Variants in TLN1 observed in about 807,000 individuals in gnomAD.
The protein encoded by TLN1 is talin-1.
A neutral mutation model predicts 292.3 loss-of-function variants in TLN1; 56 were observed. The ratio of observed to expected loss-of-function variants is 0.19; its 90% CI spans 0.15 to 0.24. The LOEUF (loss-of-function observed/expected upper bound fraction) is 0.24. Ranked by LOEUF, TLN1 falls within the 10% of genes least tolerant of loss-of-function variation. TLN1 has a pLI of 1.00. For missense variants in TLN1, 2,433 were observed against 3,248.2 expected, an observed-to-expected ratio of 0.75 and a Z score of 6.10; for synonymous variants, 1,119 against 1,253.7, an observed-to-expected ratio of 0.89 and a Z score of 2.27.
intron 17 of TLN1, among the ~76,000 whole-genome samples, chr9:35,718,260 T>G (rs1004551576): frequency 3.9e-5 from 6 of 152,212 alleles, no homozygotes; most frequent in Non-Finnish European, 8.8e-5. Context: ...TCCCACCAAG[T>G]TCTGGTCCCC....
At position 35,710,695 on chromosome 9, in the gene TLN1, A is replaced by G; in HGVS notation, c.4204-12T>C. ...GCCTCGCCCAGCACCTGAGGAACAG[A>G]GGACATCAGGGGAGTCAGAGCATGT... On this transcript the variant is annotated splice_polypyrimidine_tract_variant and intron_variant, in intron 32 of 56. Coordinates refer to ENST00000314888, the MANE Select transcript of TLN1 (RefSeq NM_006289.4). 6.2e-7 allele frequency: 1 copy of G among 1,614,118 alleles called. No homozygotes were observed. The highest frequency in any genetic ancestry group is 8.5e-7 in the Non-Finnish European group (1 of 1,179,964).
intron 7 of TLN1, 184 bp downstream of exon 7, chr9:35,723,768 A>G: frequency 9.7e-6 from 8 of 826,120 alleles, no homozygotes; most frequent in Non-Finnish European, 1.5e-5. Context: ...AACTACATTC[A>G]TATTCCAGAG....
intron 7 of TLN1, 114 bp downstream of exon 7, chr9:35,723,838 G>A (rs780319018): frequency 3.1e-5 from 47 of 1,518,640 alleles, no homozygotes; most frequent in Non-Finnish European, 4.1e-5. Context: ...TCAAACCCTG[G>A]TACCTCGGAA....
chr9:35,710,557 T>C lies in TLN1; in HGVS notation c.4326+4A>G. ...ATTCAAAGAACCCATCTCAGGAAAA[T>C]AACCTGTGCAGCTGCCTCGGTGAAG... On this transcript the variant is annotated splice_donor_region_variant and intron_variant, in intron 33 of 56. Transcript: ENST00000314888. 6.2e-7 allele frequency: 1 copy of C among 1,611,408 alleles called. No homozygotes were observed. Among genetic ancestry groups the C allele is most frequent in the South Asian group, 1.1e-5 (1 of 90,998 alleles).
chr9:35,722,458 T>C (rs1300829306), intron 8 of TLN1, among the ~76,000 whole-genome samples: 2 of 151,494 alleles, frequency 1.3e-5, no homozygotes, highest in Non-Finnish European at 2.9e-5. Context: ...GAACAGAGAG[T>C]TTGGAAGTAG....
rs1372050591 is a variant in TLN1, at chr9:35,713,954, G to A, written c.3248C>T (p.Thr1083Ile). Reference protein sequence around the residue: ...DGKLKPLPGETMEKCTQDLGN... With the variant: ...DGKLKPLPGEIMEKCTQDLGN... ...GAATGAGGTCTTAAACATACTTACTGTCTCCCCAGGTAAGGGTTTAAGCTT... is the reference window on the plus strand; with the variant it reads ...GAATGAGGTCTTAAACATACTTACTATCTCCCCAGGTAAGGGTTTAAGCTT... The change falls in exon 25 of 57, where the codon ACA (threonine) becomes ATA (isoleucine). Residue 1083 changes from threonine (T) to isoleucine (I), a missense_variant and splice_region_variant. Thr to Ile is a moderately conservative substitution (Grantham distance 89). Transcript: ENST00000314888. 6.2e-7 allele frequency: 1 copy of A among 1,614,150 alleles called. No homozygotes were observed. Among genetic ancestry groups the A allele is most frequent in the Admixed American group, 1.7e-5 (1 of 60,028 alleles).
At position 35,699,695 on chromosome 9, in the gene TLN1, T is replaced by C; in HGVS notation, c.6769-234A>G. 2.0e-6 allele frequency: 2 copies of C among 984,408 alleles called. No individual in the cohort carries two copies. Among genetic ancestry groups the C allele is most frequent in the Non-Finnish European group, 2.4e-6 (2 of 829,770 alleles). 61.0% of individuals were successfully genotyped at this position (984,408 alleles called of 1,614,324 possible). ...ACAAGGAGCAAGGAGAATGATGAGA[T>C]GAAAGAGGAGACGACGAAAGTAGAG... On this transcript the variant is annotated intron_variant, in intron 50 of 56. Transcript: ENST00000314888. This position sits in a 1 kb window ranked among gnomAD's most constrained non-coding sequence, Gnocchi z 4.0.
Position 35,706,901 on chromosome 9 carries a change from C to T in TLN1, c.4956-1G>A. 6.2e-7 allele frequency: 1 copy of T among 1,613,836 alleles called. No individual in the cohort carries two copies. The highest frequency in any genetic ancestry group is 8.5e-7 in the Non-Finnish European group (1 of 1,179,948). ...CTCCAGCTGCCCTGGAGCCTTGTCC[C>T]TGCAGACACATCATGGGCTCCAACA... On this transcript the variant is annotated splice_acceptor_variant, in intron 37 of 56. Transcript: ENST00000314888. LOFTEE classifies it high-confidence loss of function. The surrounding 1 kb of genome is among the most constrained non-coding windows in gnomAD (Gnocchi z 4.2).
Position 35,714,371 on chromosome 9 carries a change from T to C in TLN1, c.2988A>G (p.Pro996=), listed in dbSNP as rs778599612. 1.6e-5 allele frequency: 26 copies of C among 1,609,438 alleles called. No individual in the cohort carries two copies. Among genetic ancestry groups the C allele is most frequent in the South Asian group, 8.8e-5 (8 of 90,802 alleles). The change falls in exon 24 of 57, where the codon CCA becomes CCG. Residue 996 remains proline (P), a splice_region_variant and synonymous_variant. Transcript: ENST00000314888. This position sits in a 1 kb window ranked among gnomAD's most constrained non-coding sequence, Gnocchi z 4.6. ...LIAASQSFLQ[P]GGKMVAAAKA... is the part of the protein sequence containing the mutation. ...TTGCAGCTGCCACCATCTTCCCACC[T>C]GGCTGTTGGGGAATAGGCAGGTGGA...
chr9:35,706,770 C>T lies in TLN1; in HGVS notation c.5086G>A (p.Glu1696Lys), dbSNP rs1825572383. Residue 1696 changes from glutamate (E) to lysine (K), a missense_variant and splice_region_variant, in exon 38 of 57, where the codon GAG becomes AAG. Around this residue, in one of 7 missense-constraint regions of TLN1, gnomAD observed 1,384 missense variants for 1,699.6 expected, o/e 0.81. Transcript: ENST00000314888. The surrounding 1 kb of genome is among the most constrained non-coding windows in gnomAD (Gnocchi z 4.2). ...CCATATAACCCTCTCCCTCTCACCTCTTGAGAGATTCCCTCACGGGGAGCA... is the reference window on the plus strand; with the variant it reads ...CCATATAACCCTCTCCCTCTCACCTTTTGAGAGATTCCCTCACGGGGAGCA... ...QLAPREGISQ[E>K]ALHTQMLTAV... 1 of 1,613,850 alleles carries T rather than the reference C, an allele frequency of 6.2e-7. No homozygotes were observed. Among genetic ancestry groups the T allele is most frequent in the South Asian group, 1.1e-5 (1 of 91,076 alleles).
Position 35,717,979 on chromosome 9 carries a change from A to G in TLN1, c.1996-193T>C, listed in dbSNP as rs1157885362. 6.6e-6 allele frequency among the ~76,000 whole-genome samples: 1 copy of G among 152,142 alleles called. No homozygotes were observed. The highest frequency in any genetic ancestry group is 1.5e-5 in the Non-Finnish European group (1 of 68,012). On this transcript the variant is annotated intron_variant, in intron 17 of 56. Coordinates refer to ENST00000314888, the MANE Select transcript of TLN1 (RefSeq NM_006289.4). This position sits in a 1 kb window ranked among gnomAD's most constrained non-coding sequence, Gnocchi z 4.7. ...AGAACCCCCACCGAGGAACAAACCC[A>G]CACCAAGAGAAAATACAGCCTACAC...
Position 35,707,537 on chromosome 9 carries a change from G to A in TLN1, c.4633-49C>T, listed in dbSNP as rs749968329. ...AGGACTTGGGATGCAGTCATAGGGG[G>A]TATAGGAAGTGAAGTCCAGGTCTCC... is the stretch of plus-strand genomic sequence containing the variant. On this transcript the variant is annotated intron_variant, in intron 35 of 56. Coordinates refer to ENST00000314888, the MANE Select transcript of TLN1 (RefSeq NM_006289.4). This position sits in a 1 kb window ranked among gnomAD's most constrained non-coding sequence, Gnocchi z 5.6. The A allele has an allele frequency of 1.2e-6, 2 of 1,602,346 alleles. No homozygotes were observed. Among genetic ancestry groups the A allele is most frequent in the Non-Finnish European group, 1.7e-6 (2 of 1,172,148 alleles).
rs1181440375 is a variant in TLN1, at chr9:35,715,105, G to A, written c.2708C>T (p.Ala903Val). 1.2e-6 allele frequency: 2 copies of A among 1,613,268 alleles called. No homozygotes were observed. The highest frequency in any genetic ancestry group is 1.7e-6 in the Non-Finnish European group (2 of 1,180,038). Residue 903 changes from alanine to valine, a missense_variant, in exon 21 of 57, where the codon GCA (alanine) becomes GTA (valine). This residue lies in a region of TLN1 where 617 missense variants were observed against 770.6 expected (regional missense o/e 0.80). Coordinates refer to ENST00000314888, the MANE Select transcript of TLN1 (RefSeq NM_006289.4). ...AAEGLRMATN[A>V]AAQNAIKKKL... ...TTTCTTGATGGCATTCTGCGCAGCT[G>A]CATTGGTGGCCATGCGCAGCCCCTC...
Position 35,706,628 on chromosome 9 carries a change from C to A in TLN1, c.5089-77G>T. 6.3e-7 allele frequency: 1 copy of A among 1,592,738 alleles called. No homozygotes were observed. The highest frequency in any genetic ancestry group is 1.1e-5 in the South Asian group (1 of 89,872). On this transcript the variant is annotated intron_variant, in intron 38 of 56. Transcript: ENST00000314888. The surrounding 1 kb of genome is among the most constrained non-coding windows in gnomAD (Gnocchi z 4.2). Reference sequence around the variant, plus strand: ...TGGCTACAAAGAACTGCTCTTCTGTCCATACCAAATACCCTAACCCTCCTT... The same window carrying A: ...TGGCTACAAAGAACTGCTCTTCTGTACATACCAAATACCCTAACCCTCCTT...
In TLN1 at chr9:35,724,265, C is replaced by T; in HGVS notation, c.581G>A (p.Arg194Gln). 2 of 1,614,158 alleles carry T rather than the reference C, an allele frequency of 1.2e-6. No homozygotes were observed. Among genetic ancestry groups the T allele is most frequent in the African/African-American group, 1.3e-5 (1 of 75,004 alleles). ...CTGGTCTGAGTAAAAGAACTTCCTC[C>T]GCAGCAGCAGCGTCTCGTGCTCCTC... ...GVEEHETLLL[R>Q]RKFFYSDQNV... Residue 194 changes from arginine to glutamine, a missense_variant, in exon 6 of 57, where the codon CGG (arginine) becomes CAG (glutamine). Physicochemically the swap from Arg to Gln is conservative, Grantham distance 43 (BLOSUM62 1). Transcript: ENST00000314888. The surrounding 1 kb of genome is among the most constrained non-coding windows in gnomAD (Gnocchi z 4.7).
chr9:35,722,752 G>T, intron 8 of TLN1, 109 bp downstream of exon 8: 1 of 1,165,766 alleles, frequency 8.6e-7, no homozygotes, highest in Non-Finnish European at 1.3e-6. Flanking sequence ...CCCGGTGGGT[G>T]AAAGCCAAGT....
At chr9:35,727,640 G>A (rs943497878) in intron 1 of TLN1, among the ~76,000 whole-genome samples, 1 of 152,196 alleles carries the variant, frequency 6.6e-6, no homozygotes, top group Admixed American at 6.5e-5. Flanking sequence ...GGACAGACCT[G>A]GCTATGGGGT....
rs1423886148 is a variant in TLN1 at position 35,713,312 on chromosome 9, G to C, written c.3250-14C>G. 1 of 1,572,480 alleles carries C rather than the reference G, an allele frequency of 6.4e-7. No individual in the cohort carries two copies. ...ACACTTCTCCATCTAAGGATGAAGG[G>C]GGAAGAATTGGGCTTGAGAAAGGAG... On this transcript the variant is annotated splice_polypyrimidine_tract_variant and intron_variant, in intron 25 of 56. Coordinates refer to ENST00000314888, the MANE Select transcript of TLN1 (RefSeq NM_006289.4).
In TLN1 at chr9:35,721,759, G is replaced by A; in HGVS notation, c.993C>T (p.Gly331=). 1.9e-6 allele frequency: 3 copies of A among 1,613,482 alleles called. No individual in the cohort carries two copies. In the South Asian group the frequency reaches 3.3e-5, roughly 18 times the overall value. Reference sequence around the variant, plus strand: ...CTCGCATCACACACTCCTTGGTGATGCCCAGAAGCCTGGGCACTAGCTTGT... The same window carrying A: ...CTCGCATCACACACTCCTTGGTGATACCCAGAAGCCTGGGCACTAGCTTGT... ...GKNKLVPRLL[G]ITKECVMRVD... The change falls in exon 10 of 57, where the codon GGC becomes GGT. Residue 331 remains glycine, a synonymous_variant. Transcript: ENST00000314888.
Sources: allele counts gnomAD v4.1 joint callset (sites outside exome capture counted in the v4.1 genomes callset), GRCh38; gene constraint gnomAD v4.1.1; regional missense constraint gnomAD v4.1.1; non-coding constraint Gnocchi (gnomAD v3.1); transcripts MANE v1.5; gene names NCBI Gene and HGNC (gene_info 2026-07-23, HGNC 2026-07-21).